Variants in PAQR9 observed in about 807,000 individuals in gnomAD.
The protein encoded by PAQR9 is progestin and adipoQ receptor family member 9.
A neutral mutation model predicts 24.0 loss-of-function variants in PAQR9; 12 were observed. That is an observed-to-expected ratio of 0.50 (90% confidence interval 0.32 to 0.81). The LOEUF is 0.81. Ranked by LOEUF, PAQR9 falls within the 30% of genes least tolerant of loss-of-function variation. The pLI, the probability that PAQR9 is intolerant of heterozygous loss-of-function variation, is 0.03. For synonymous variants in PAQR9, 266 were observed against 237.6 expected (o/e 1.12, Z -1.10); for missense variants, 418 against 520.8 (o/e 0.80, Z 1.92).
rs1578079926 is a variant in PAQR9, at chr3:142,958,126, T to C, written c.*4077A>G. Among the ~76,000 whole-genome samples the C allele has an allele frequency of 6.6e-6, 1 of 152,208 alleles. No individual in the cohort carries two copies. Among genetic ancestry groups the C allele is most frequent in the East Asian group, 1.9e-4 (1 of 5,206 alleles). ...AGTGCATGAATGAACAGCTCAAAGA[T>C]TGCTGACAGAGTGAAGTCAGCAGTG... On this transcript the variant is annotated 3_prime_UTR_variant, in exon 1 of 1. Transcript: ENST00000340634.
chr3:142,952,738 G>A (rs190063987), downstream of PAQR9: 1 of 456,572 alleles, frequency 2.2e-6, no homozygotes, highest in East Asian at 7.0e-5. Context: ...AGCAGCCAGG[G>A]CTGAGGATTC....
In PAQR9 at chr3:142,955,419, G is replaced by A. The variant is rs1450911370; in HGVS notation, c.*6784C>T. ...ATGGCTGAAATGAAGAGAGTTCAGA[G>A]CGACCACATGGTCTATACAAATTAA... On this transcript the variant is annotated 3_prime_UTR_variant, in exon 1 of 1. Transcript: ENST00000340634. Among the ~76,000 whole-genome samples, 6 of 114,294 alleles carry A rather than the reference G, an allele frequency of 5.2e-5. No individual in the cohort carries two copies. The highest frequency in any genetic ancestry group is 2.0e-4 in the African/African-American group (6 of 29,970). 75.0% of individuals were successfully genotyped at this position (114,294 alleles called of 152,430 possible).
chr3:142,950,114 T>A (rs1375500682), downstream of PAQR9: 1 of 152,268 alleles, frequency 6.6e-6, no homozygotes, highest in African/African-American at 2.4e-5. Flanking sequence ...ATTGTTTATT[T>A]TTCCATTAGA....
chr3:142,963,785 G>A (rs1325696064), upstream of PAQR9: 2 of 979,230 alleles, frequency 2.0e-6, no homozygotes, highest in African/African-American at 1.7e-5. Flanking sequence ...AAGGGCGGGG[G>A]CCTCCCAGGC....
rs1399851629 is a variant in PAQR9, at chr3:142,955,440, A to AT, written c.*6762dup. On this transcript the variant is annotated 3_prime_UTR_variant, in exon 1 of 1. Coordinates refer to ENST00000340634, the MANE Select transcript of PAQR9 (RefSeq NM_198504.4). ...CAGAGCGACCACATGGTCTATACAA[A>AT]TTAAAAAAAAAAAAAAAAAAAAAAA... Among the ~76,000 whole-genome samples, 1 of 128,288 alleles carries AT rather than the reference A, an allele frequency of 7.8e-6. No individual in the cohort carries two copies. Among genetic ancestry groups the AT allele is most frequent in the African/African-American group, 3.3e-5 (1 of 30,360 alleles). The allele number at this position is 128,288 out of a possible 152,430, so 84.2% of individuals were successfully genotyped here. A position where few individuals can be genotyped will look rare whatever the true frequency, so the allele number is the denominator to read the frequency against.
rs1578081730 is a variant in PAQR9 at position 142,962,129 on chromosome 3, A to G, written c.*74T>C. 6.7e-6 allele frequency: 10 copies of G among 1,492,020 alleles called. No individual in the cohort carries two copies. The East Asian group carries it at 2.3e-4, about 34-fold the overall frequency. 92.4% of individuals were successfully genotyped at this position (1,492,020 alleles called of 1,614,324 possible). ...AAGAAGAAAACACAATGAAATTTGA[A>G]AACAAACCAACAATAGCAACAACAG... On this transcript the variant is annotated 3_prime_UTR_variant, in exon 1 of 1. Coordinates refer to ENST00000340634, the MANE Select transcript of PAQR9 (RefSeq NM_198504.4).
At position 142,955,879 on chromosome 3, in the gene PAQR9, A is replaced by T. The variant is rs1005997074; in HGVS notation, c.*6324T>A. Among the ~76,000 whole-genome samples, 2 of 152,178 alleles carry T rather than the reference A, an allele frequency of 1.3e-5. No homozygotes were observed. Among genetic ancestry groups the T allele is most frequent in the Non-Finnish European group, 2.9e-5 (2 of 68,018 alleles). ...TATCTCATGTGTTTTCTTCTTTTTT[A>T]AAAAATGATTTGTATCCTTCTTTAA... On this transcript the variant is annotated 3_prime_UTR_variant, in exon 1 of 1. Coordinates refer to ENST00000340634, the MANE Select transcript of PAQR9 (RefSeq NM_198504.4).
rs1158860154 is a variant in PAQR9, at chr3:142,962,192, AAGGCGG to A, written c.*5_*10del. 2 of 1,611,068 alleles carry A rather than the reference AAGGCGG, an allele frequency of 1.2e-6. No homozygotes were observed. The highest frequency in any genetic ancestry group is 2.7e-5 in the African/African-American group (2 of 75,036). ...GATGGGCGAACCAGTAGTCTCCTCC[AAGGCGG>A]AGGCTCACTTTTTACTGCAGAATTC... On this transcript the variant is annotated 3_prime_UTR_variant, in exon 1 of 1. Coordinates refer to ENST00000340634, the MANE Select transcript of PAQR9 (RefSeq NM_198504.4).
downstream of PAQR9, chr3:142,952,829 T>G: frequency 2.2e-6 from 1 of 456,704 alleles, no homozygotes; most frequent in South Asian, 1.5e-5. Flanking sequence ...CAATCTTCCG[T>G]GATTTGTCCC....
chr3:142,952,002 G>T (rs1372667389), downstream of PAQR9, among the ~76,000 whole-genome samples: 2 of 147,078 alleles, frequency 1.4e-5, no homozygotes, highest in Non-Finnish European at 3.0e-5. Context: ...CGAAAACAAA[G>T]GCGGTGTGCA....
rs1934839719 is a variant in PAQR9, at chr3:142,958,955, C to A, written c.*3248G>T. On this transcript the variant is annotated 3_prime_UTR_variant, in exon 1 of 1. Coordinates refer to ENST00000340634, the MANE Select transcript of PAQR9 (RefSeq NM_198504.4). ...AGTCAGTCTGAGTCAGCCCCAGAGA[C>A]CAACCCACGGGGTGACAGGCACCGA... Among the ~76,000 whole-genome samples the A allele has an allele frequency of 6.6e-6, 1 of 152,178 alleles. No homozygotes were observed. The highest frequency in any genetic ancestry group is 2.4e-5 in the African/African-American group (1 of 41,450).
chr3:142,951,531 C>T (rs1053728094), downstream of PAQR9: 9 of 357,336 alleles, frequency 2.5e-5, no homozygotes, highest in South Asian at 1.9e-4. Flanking sequence ...AGTTTGGGGT[C>T]AATTGCAGAC....
chr3:142,963,598 T>A lies in PAQR9; in HGVS notation c.-262A>T. On this transcript the variant is annotated 5_prime_UTR_variant, in exon 1 of 1. Transcript: ENST00000340634. ...AGCGGCTTCCTCGCCAAGCCCCTGCTACCGGCGCGCGGCCGCCCGCGCTGC... is the reference window on the plus strand; with the variant it reads ...AGCGGCTTCCTCGCCAAGCCCCTGCAACCGGCGCGCGGCCGCCCGCGCTGC... The A allele has an allele frequency of 1.2e-6, 1 of 850,222 alleles. No individual in the cohort carries two copies. Among genetic ancestry groups the A allele is most frequent in the Non-Finnish European group, 1.4e-6 (1 of 708,046 alleles). 52.7% of individuals were successfully genotyped at this position (850,222 alleles called of 1,614,324 possible). A position where few individuals can be genotyped will look rare whatever the true frequency, so the allele number is the denominator to read the frequency against.
rs1333508993 is a variant in PAQR9 at position 142,957,171 on chromosome 3, G to A, written c.*5032C>T. On this transcript the variant is annotated 3_prime_UTR_variant, in exon 1 of 1. Coordinates refer to ENST00000340634, the MANE Select transcript of PAQR9 (RefSeq NM_198504.4). ...AAGGGCTTTAAGCCAGGAGATAAAT[G>A]TACCACTCAAAATATACCTGGACAC... Among the ~76,000 whole-genome samples, 1 of 152,192 alleles carries A rather than the reference G, an allele frequency of 6.6e-6. No individual in the cohort carries two copies. Among genetic ancestry groups the A allele is most frequent in the Non-Finnish European group, 1.5e-5 (1 of 68,036 alleles).
rs36295 is a variant in PAQR9 at position 142,959,270 on chromosome 3, G to A, written c.*2933C>T. On this transcript the variant is annotated 3_prime_UTR_variant, in exon 1 of 1. Coordinates refer to ENST00000340634, the MANE Select transcript of PAQR9 (RefSeq NM_198504.4). ...TCTGATTGCCACATTACCTTGAAAT[G>A]TGTAATAAACCTGGATAGTTCCGTG... is the stretch of plus-strand genomic sequence containing the variant. Among the ~76,000 whole-genome samples the A allele has an allele frequency of 0.78, 118,957 of 152,190 alleles. 47,288 individuals are homozygous for A. Among genetic ancestry groups the A allele is most frequent in the African/African-American group, 0.94 (39,191 of 41,560 alleles).
Position 142,958,642 on chromosome 3 carries a change from C to G in PAQR9, c.*3561G>C, listed in dbSNP as rs533561880. On this transcript the variant is annotated 3_prime_UTR_variant, in exon 1 of 1. Transcript: ENST00000340634. ...AATTTTGCATTCTTAGAAATGATTC[C>G]TATGAAGTATCACTATAAATTAGGC... 2.6e-4 allele frequency among the ~76,000 whole-genome samples: 40 copies of G among 152,252 alleles called. No individual in the cohort carries two copies. In the South Asian group the frequency reaches 3.1e-3, roughly 12 times the overall value.
Position 142,963,545 on chromosome 3 carries a change from C to T in PAQR9, c.-209G>A. 1.0e-6 allele frequency: 1 copy of T among 988,590 alleles called. No homozygotes were observed. The highest frequency in any genetic ancestry group is 1.2e-6 in the Non-Finnish European group (1 of 831,032). 61.2% of individuals were successfully genotyped at this position (988,590 alleles called of 1,614,324 possible). ...ATCAATTAATAGGCAGCGCTGCGAC[C>T]GCCAGGAGCGCGGAGCGCGCGAGGC... On this transcript the variant is annotated 5_prime_UTR_variant, in exon 1 of 1. Transcript: ENST00000340634.
At chr3:142,963,985 C>T, upstream of PAQR9, 1 of 662,940 alleles carries the variant, frequency 1.5e-6, no homozygotes, top group Non-Finnish European at 1.9e-6. Context: ...ACCCGACAGC[C>T]ACGCGGGCGT....
Position 142,962,140 on chromosome 3 carries a change from C to A in PAQR9, c.*63G>T. The A allele has an allele frequency of 6.6e-7, 1 of 1,514,780 alleles. No homozygotes were observed. The highest frequency in any genetic ancestry group is 1.7e-4 in the Middle Eastern group (1 of 5,816). 93.8% of individuals were successfully genotyped at this position (1,514,780 alleles called of 1,614,324 possible). ...ACAATGAAATTTGAAAACAAACCAA[C>A]AATAGCAACAACAGAAACTCCAAAC... On this transcript the variant is annotated 3_prime_UTR_variant, in exon 1 of 1. Transcript: ENST00000340634.
Sources: allele counts gnomAD v4.1 joint callset (sites outside exome capture counted in the v4.1 genomes callset), GRCh38; gene constraint gnomAD v4.1.1; transcripts MANE v1.5; gene names NCBI Gene and HGNC (gene_info 2026-07-23, HGNC 2026-07-21).